SPTBN1: variants seen among roughly 807,000 people sequenced by gnomAD.
SPTBN1 encodes the protein spectrin beta chain, non-erythrocytic 1.
Under a neutral mutation model 266.4 loss-of-function variants are expected in SPTBN1, and 32 were observed. The ratio of observed to expected loss-of-function variants is 0.12; its 90% confidence interval spans 0.09 to 0.16. SPTBN1 has a LOEUF of 0.16. Ranked by LOEUF, SPTBN1 falls within the 10% of genes least tolerant of loss-of-function variation. The pLI, the probability that SPTBN1 is intolerant of heterozygous loss-of-function variation, is 1.00. For missense variants in SPTBN1, 2,296 were observed against 3,067.1 expected, an observed-to-expected ratio of 0.75 and a Z score of 5.94; for synonymous variants, 1,336 against 1,162.2, an observed-to-expected ratio of 1.15 and a Z score of -3.04.
intron 2 of SPTBN1, among the ~76,000 whole-genome samples, chr2:54,579,146 G>A (rs1674697021): frequency 6.6e-6 from 1 of 152,090 alleles, no homozygotes; most frequent in Non-Finnish European, 1.5e-5. Flanking sequence ...GTTCTTTTCA[G>A]AATAAAGCTT....
chr2:54,515,467 G>A (rs1166261712), intron 1 of SPTBN1, among the ~76,000 whole-genome samples: 1 of 152,016 alleles, frequency 6.6e-6, no homozygotes, highest in Admixed American at 6.6e-5. Flanking sequence ...TCTTTAGCTT[G>A]GATAGTGTTT....
At chr2:54,578,907 C>T (rs951388369) in intron 2 of SPTBN1, among the ~76,000 whole-genome samples, 5 of 151,964 alleles carry the variant, frequency 3.3e-5, no homozygotes, top group Admixed American at 6.6e-5. Context: ...CCTCTCTGTC[C>T]AGGAGAAATC....
intron 3 of SPTBN1, among the ~76,000 whole-genome samples, chr2:54,611,179 T>C (rs1281882481): frequency 1.1e-4 from 17 of 152,250 alleles, no homozygotes; most frequent in Admixed American, 1.1e-3. Context: ...ATATATTTTA[T>C]GCATTCATGA....
At chr2:54,565,996 A>C (rs1016891589) in intron 2 of SPTBN1, among the ~76,000 whole-genome samples, 1 of 152,146 alleles carries the variant, frequency 6.6e-6, no homozygotes. Flanking sequence ...CAGAGCATTA[A>C]GTTTTTAGTT....
chr2:54,560,326 C>T (rs1673211199), intron 2 of SPTBN1, among the ~76,000 whole-genome samples: 1 of 152,020 alleles, frequency 6.6e-6, no homozygotes, highest in South Asian at 2.1e-4. Context: ...AAGCACCCAC[C>T]GGGATCGTCA....
Position 54,623,859 on chromosome 2 carries a change from A to G in SPTBN1, c.1182+263A>G, listed in dbSNP as rs184842870. On this transcript the variant is annotated intron_variant, in intron 10 of 35. Transcript: ENST00000356805. ...GCTATACACCTTGCTACTCAGATAC[A>G]TATCACTTTACTTCTCATCTGAGGC... Among the ~76,000 whole-genome samples, 730 of 152,356 alleles carry G rather than the reference A, an allele frequency of 4.8e-3. 4 individuals are homozygous for G. Among genetic ancestry groups the G allele is most frequent in the Middle Eastern group, 0.01 (3 of 294 alleles).
intron 2 of SPTBN1, among the ~76,000 whole-genome samples, chr2:54,537,643 A>G (rs548666787): frequency 1.7e-3 from 263 of 152,354 alleles, no homozygotes; most frequent in Middle Eastern, 0.01. Flanking sequence ...TAAATAGCCA[A>G]TCTGAAGAAA....
In SPTBN1 at chr2:54,647,173, T is replaced by C. The variant is rs1679977643; in HGVS notation, c.4909T>C (p.Leu1637=). ...CTCCATGTTGAAGAAGCACCAGATCTTAGAACAAGCTGTGGAGGACTATGC... is the reference window on the plus strand; with the variant it reads ...CTCCATGTTGAAGAAGCACCAGATCCTAGAACAAGCTGTGGAGGACTATGC... ...AVSMLKKHQI[L]EQAVEDYAET... Residue 1637 remains leucine, a synonymous_variant, in exon 24 of 36, where the codon TTA becomes CTA. Transcript: ENST00000356805. 4 of 1,614,164 alleles carry C rather than the reference T, an allele frequency of 2.5e-6. No homozygotes were observed. Among genetic ancestry groups the C allele is most frequent in the Non-Finnish European group, 3.4e-6 (4 of 1,180,034 alleles).
chr2:54,656,010 GT>G lies in SPTBN1; in HGVS notation c.6046+15del. 1 of 1,605,284 alleles carries G rather than the reference GT, an allele frequency of 6.2e-7. No homozygotes were observed. ...ATGGTTAAGACTGAGTAAGGATGTAGTTTATCTTTCTGCTCTTTTGGGTATC... is the reference window on the plus strand; with the variant it reads ...ATGGTTAAGACTGAGTAAGGATGTAGTTATCTTTCTGCTCTTTTGGGTATC... On this transcript the variant is annotated intron_variant, in intron 29 of 35. Coordinates refer to ENST00000356805, the MANE Select transcript of SPTBN1 (RefSeq NM_003128.3).
chr2:54,611,191 A>G (rs966031923), intron 3 of SPTBN1, among the ~76,000 whole-genome samples: 2 of 152,198 alleles, frequency 1.3e-5, no homozygotes, highest in African/African-American at 4.8e-5. Context: ...CATTCATGAC[A>G]TACCTTTTTC....
At chr2:54,546,901 G>A (rs1056403703) in intron 2 of SPTBN1, among the ~76,000 whole-genome samples, 2 of 151,208 alleles carry the variant, frequency 1.3e-5, no homozygotes, top group Non-Finnish European at 1.5e-5. Context: ...CCCCTGCCCA[G>A]TGGTGCATTC....
intron 1 of SPTBN1, among the ~76,000 whole-genome samples, chr2:54,521,704 G>A (rs1441870501): frequency 6.6e-6 from 1 of 151,996 alleles, no homozygotes; most frequent in South Asian, 2.1e-4. Flanking sequence ...AGTGAAGAAG[G>A]GTTGGGAGGG....
Position 54,649,604 on chromosome 2 carries a change from C to T in SPTBN1, c.5203-11C>T, listed in dbSNP as rs762867796. On this transcript the variant is annotated splice_polypyrimidine_tract_variant and intron_variant, in intron 25 of 35. Coordinates refer to ENST00000356805, the MANE Select transcript of SPTBN1 (RefSeq NM_003128.3). This position sits in a 1 kb window ranked among gnomAD's most constrained non-coding sequence, Gnocchi z 6.7. The stretch of plus-strand genomic sequence containing the variant: ...TGGGCTCTCTGATTTCCTTACCCAT[C>T]CCCGTTTCAGATGTTACAAGAACGA... 2 of 1,602,386 alleles carry T rather than the reference C, an allele frequency of 1.2e-6. No homozygotes were observed. The highest frequency in any genetic ancestry group is 1.7e-5 in the Admixed American group (1 of 59,810).
intron 26 of SPTBN1, chr2:54,652,479 A>G (rs1027634261): frequency 2.6e-5 from 4 of 152,176 alleles, no homozygotes; most frequent in African/African-American, 9.7e-5. Context: ...TAATTTAACC[A>G]GTCCTTCACT....
chr2:54,552,753 C>T (rs1672652046), intron 2 of SPTBN1, among the ~76,000 whole-genome samples: 2 of 151,986 alleles, frequency 1.3e-5, no homozygotes, highest in South Asian at 4.2e-4. Flanking sequence ...CCACACCTGG[C>T]CCCAGGTCTG....
intron 2 of SPTBN1, chr2:54,527,000 A>G (rs1284666783): frequency 6.5e-6 from 1 of 153,620 alleles, no homozygotes; most frequent in East Asian, 1.9e-4. Flanking sequence ...CTGAAAAGCA[A>G]AAGCTGAATC....
At chr2:54,522,697 GAGAAAGAAAGAAAGGAA>G (rs1670547060) in intron 1 of SPTBN1, among the ~76,000 whole-genome samples, 1 of 97,330 alleles carries the variant, frequency 1.0e-5, no homozygotes, top group East Asian at 2.8e-4. Flanking sequence ...GAGAGAGAGA[GAGAAAGAAAGAAAGGAA>G]AGAAAGAAAG....
At chr2:54,608,452 G>A (rs1460500337) in intron 3 of SPTBN1, among the ~76,000 whole-genome samples, 1 of 152,152 alleles carries the variant, frequency 6.6e-6, no homozygotes, top group Admixed American at 6.5e-5. Flanking sequence ...GTGTGATGAG[G>A]TGAAGAGATT....
intron 2 of SPTBN1, among the ~76,000 whole-genome samples, chr2:54,542,652 G>T (rs1005532340): frequency 1.3e-5 from 2 of 152,172 alleles, no homozygotes; most frequent in African/African-American, 4.8e-5. Flanking sequence ...AGGGAGGAAC[G>T]CCATTTTAGG....
Sources: allele counts gnomAD v4.1 joint callset (sites outside exome capture counted in the v4.1 genomes callset), GRCh38; gene constraint gnomAD v4.1.1; non-coding constraint Gnocchi (gnomAD v3.1); transcripts MANE v1.5; gene names NCBI Gene and HGNC (gene_info 2026-07-23, HGNC 2026-07-21).